Variants in PHF24 observed in about 807,000 individuals in gnomAD.
PHF24 encodes PHD finger protein 24.
In PHF24, 25 loss-of-function variants were observed where a neutral mutation model predicts 42.6. That is an observed-to-expected ratio of 0.59 (90% CI 0.43 to 0.82). The LOEUF (loss-of-function observed/expected upper bound fraction) is 0.82, where lower values mean the gene tolerates loss of function less well. Ranked by LOEUF, PHF24 falls within the 40% of genes least tolerant of loss-of-function variation. The pLI is 0.00. For missense variants in PHF24, 470 were observed against 538.1 expected (o/e 0.87, Z 1.25); for synonymous variants, 185 against 204.8 (o/e 0.90, Z 0.83).
At chr9:34,723,582 G>C in the PHF24 span, 2 of 1,551,758 alleles carry the variant, frequency 1.3e-6, no homozygotes, top group African/African-American at 1.4e-5. Context: ...TTAATATGCT[G>C]CAGAAAACAT....
the PHF24 span, chr9:34,665,901 C>G: frequency 1.7e-6 from 1 of 576,928 alleles, no homozygotes; most frequent in South Asian, 2.1e-5. Context: ...ATTTAGGGGG[C>G]CAGGGCGAGA....
At chr9:34,882,231 T>C in the PHF24 span, among the ~76,000 whole-genome samples, 28 of 152,130 alleles carry the variant, frequency 1.8e-4, 1 homozygote, top group South Asian at 5.2e-3. Context: ...TAAGAGCTAT[T>C]TATGACAAAC....
chr9:34,961,984 G>T (rs1473943103), intron 1 of PHF24, among the ~76,000 whole-genome samples: 2 of 152,078 alleles, frequency 1.3e-5, no homozygotes, highest in Non-Finnish European at 2.9e-5. Flanking sequence ...CAGAGGGAAA[G>T]CCCCAGTGAT....
the PHF24 span, among the ~76,000 whole-genome samples, chr9:34,892,184 T>C: frequency 2.0e-5 from 3 of 152,140 alleles, no homozygotes; most frequent in South Asian, 4.2e-4. Flanking sequence ...ACTTAGAAGC[T>C]GAAAGAGAGG....
At chr9:34,891,920 G>A in the PHF24 span, among the ~76,000 whole-genome samples, 8 of 152,158 alleles carry the variant, frequency 5.3e-5, no homozygotes, top group Non-Finnish European at 1.5e-5. Context: ...CATTGATCTG[G>A]ATTTGTCAAT....
At chr9:34,963,454 C>T (rs1415402666) in intron 1 of PHF24, among the ~76,000 whole-genome samples, 1 of 152,166 alleles carries the variant, frequency 6.6e-6, no homozygotes, top group Non-Finnish European at 1.5e-5. Flanking sequence ...GCCCTTTGGG[C>T]ACATGCTTCC....
the PHF24 span, among the ~76,000 whole-genome samples, chr9:34,937,647 T>TAAAA: frequency 7.0e-5 from 10 of 142,790 alleles, no homozygotes; most frequent in African/African-American, 2.3e-4. Context: ...ATGATCAATT[T>TAAAA]AAAAAAAAAA....
chr9:34,779,525 T>A, the PHF24 span, among the ~76,000 whole-genome samples: 18 of 152,156 alleles, frequency 1.2e-4, no homozygotes, highest in African/African-American at 4.3e-4. Context: ...AAAATTTAGA[T>A]GAAATTTTAA....
chr9:34,676,494 G>A, the PHF24 span, among the ~76,000 whole-genome samples: 2 of 152,202 alleles, frequency 1.3e-5, no homozygotes, highest in African/African-American at 4.8e-5. Context: ...CTGCACTCCA[G>A]TCTGGGCAAC....
the PHF24 span, among the ~76,000 whole-genome samples, chr9:34,740,587 C>G: frequency 1.3e-5 from 2 of 152,200 alleles, no homozygotes; most frequent in Non-Finnish European, 2.9e-5. Flanking sequence ...GCAAGCACCT[C>G]GCGCAGCCCC....
At chr9:34,966,369 T>C (rs1826767725) in intron 1 of PHF24, among the ~76,000 whole-genome samples, 1 of 152,160 alleles carries the variant, frequency 6.6e-6, no homozygotes, top group Admixed American at 6.5e-5. Context: ...GGGAATCACA[T>C]GAGCCCCAGA....
the PHF24 span, chr9:34,894,417 A>T: frequency 2.5e-6 from 1 of 398,468 alleles, no homozygotes; most frequent in Non-Finnish European, 4.4e-6. Flanking sequence ...AGCAGCTGGG[A>T]GACTGCAAAG....
chr9:34,838,276 G>T, the PHF24 span: 1 of 679,744 alleles, frequency 1.5e-6, no homozygotes. Context: ...GGGTCAATAA[G>T]GAAGGACTCT....
At chr9:34,728,287 T>C in the PHF24 span, among the ~76,000 whole-genome samples, 1 of 152,242 alleles carries the variant, frequency 6.6e-6, no homozygotes. Flanking sequence ...CACAATGTGA[T>C]TGAGGCAGGA....
chr9:34,930,596 AT>A, the PHF24 span, among the ~76,000 whole-genome samples: 2 of 152,200 alleles, frequency 1.3e-5, no homozygotes, highest in African/African-American at 4.8e-5. Context: ...TACTCCTGGT[AT>A]TTATGAAGAT....
the PHF24 span, among the ~76,000 whole-genome samples, chr9:34,759,808 T>C: frequency 6.6e-6 from 1 of 152,132 alleles, no homozygotes; most frequent in Non-Finnish European, 1.5e-5. Flanking sequence ...TGCAAACTCC[T>C]CTCCAGCAAC....
the PHF24 span, among the ~76,000 whole-genome samples, chr9:34,899,401 A>G: frequency 1.3e-5 from 2 of 152,340 alleles, no homozygotes; most frequent in South Asian, 4.1e-4. Context: ...CATGAGTCCT[A>G]TCGCCTTGTA....
the PHF24 span, chr9:34,922,497 A>G: frequency 4.0e-6 from 5 of 1,250,654 alleles, no homozygotes; most frequent in Admixed American, 5.1e-5. Context: ...TGACTGATCC[A>G]CAGTCCCTTT....
At chr9:34,935,610 AG>A in the PHF24 span, among the ~76,000 whole-genome samples, 83 of 149,872 alleles carry the variant, frequency 5.5e-4, no homozygotes, top group East Asian at 7.8e-4. Flanking sequence ...AAAAAAAAAG[AG>A]AGAGAATGGG....
Sources: gnomAD v4.1 joint callset for allele counts (sites outside exome capture counted in the v4.1 genomes callset) on GRCh38, gnomAD v4.1.1 for gene constraint, MANE v1.5 for transcripts, NCBI Gene and HGNC (gene_info 2026-07-23, HGNC 2026-07-21) for gene names.